Variants in NLGN1 observed in about 807,000 individuals in gnomAD.
NLGN1 encodes the protein neuroligin 1.
Under a neutral mutation model 65.5 loss-of-function variants are expected in NLGN1, and 12 were observed. That is an observed-to-expected ratio of 0.18 (90% CI 0.12 to 0.30). The LOEUF (loss-of-function observed/expected upper bound fraction) is 0.30. Among genes scored for constraint, NLGN1 ranks in the 10% least tolerant of loss-of-function variants. The pLI is 1.00. For synonymous variants in NLGN1, 350 were observed against 359.5 expected, an observed-to-expected ratio of 0.97 and a Z score of 0.30; for missense variants, 750 against 1,007.1, an observed-to-expected ratio of 0.74 and a Z score of 3.46.
At chr3:174,122,794 A>T (rs1561095375) in intron 4 of NLGN1, among the ~76,000 whole-genome samples, 2 of 150,308 alleles carry the variant, frequency 1.3e-5, no homozygotes. Flanking sequence ...GAGAAGATGA[A>T]TTTTTTTTTT....
chr3:174,271,677 T>G (rs1749428054), intron 4 of NLGN1, among the ~76,000 whole-genome samples: 1 of 151,814 alleles, frequency 6.6e-6, no homozygotes, highest in Non-Finnish European at 1.5e-5. Flanking sequence ...AAGCTAAGCC[T>G]GCTCAGTAGA....
chr3:173,679,160 T>C (rs776230292), intron 3 of NLGN1, among the ~76,000 whole-genome samples: 4 of 151,288 alleles, frequency 2.6e-5, no homozygotes, highest in Non-Finnish European at 5.9e-5. Flanking sequence ...ACAGGGAGAT[T>C]TTAGAAATGA....
chr3:173,677,137 G>A (rs1457855257), intron 3 of NLGN1, among the ~76,000 whole-genome samples: 2 of 151,722 alleles, frequency 1.3e-5, no homozygotes, highest in East Asian at 3.9e-4. Context: ...AAGGACCAGG[G>A]TAAGCTATAC....
At chr3:173,937,992 A>G (rs923626904) in intron 4 of NLGN1, among the ~76,000 whole-genome samples, 24 of 152,170 alleles carry the variant, frequency 1.6e-4, no homozygotes, top group Admixed American at 3.3e-4. Flanking sequence ...TATTAAGTAC[A>G]TATAACACTT....
intron 2 of NLGN1, among the ~76,000 whole-genome samples, chr3:173,579,253 T>C (rs1276722396): frequency 2.0e-5 from 3 of 152,190 alleles, no homozygotes; most frequent in African/African-American, 7.2e-5. Context: ...GTGGGCAGAT[T>C]GCTTGGGCTC....
At chr3:173,453,851 C>T (rs1722061139) in intron 2 of NLGN1, among the ~76,000 whole-genome samples, 1 of 152,136 alleles carries the variant, frequency 6.6e-6, no homozygotes, top group Non-Finnish European at 1.5e-5. Flanking sequence ...TGATCTCCTC[C>T]CATGAATGTT....
intron 3 of NLGN1, among the ~76,000 whole-genome samples, chr3:173,806,584 A>G (rs543504660): frequency 6.6e-6 from 1 of 152,242 alleles, no homozygotes; most frequent in East Asian, 1.9e-4. Context: ...CTTTATGTAT[A>G]TATTCAGAGC....
chr3:174,191,039 C>T (rs538105584), intron 4 of NLGN1, among the ~76,000 whole-genome samples: 1 of 151,880 alleles, frequency 6.6e-6, no homozygotes, highest in African/African-American at 2.4e-5. Flanking sequence ...CATTTTCCCA[C>T]ATGCACCCAA....
intron 5 of NLGN1, among the ~76,000 whole-genome samples, chr3:174,276,095 G>GAAA (rs779488407): frequency 6.6e-6 from 1 of 151,800 alleles, no homozygotes; most frequent in Non-Finnish European, 1.5e-5. Flanking sequence ...TGATTAAAAA[G>GAAA]AAAAATACAT....
chr3:174,097,313 G>C (rs561679803), intron 4 of NLGN1, among the ~76,000 whole-genome samples: 74 of 152,138 alleles, frequency 4.9e-4, no homozygotes, highest in African/African-American at 1.6e-3. Context: ...TTATTCTTCA[G>C]GGCAATAATT....
intron 4 of NLGN1, among the ~76,000 whole-genome samples, chr3:174,054,271 T>C (rs1018368901): frequency 1.3e-5 from 2 of 152,034 alleles, no homozygotes; most frequent in African/African-American, 4.8e-5. Flanking sequence ...GTAGTCCCAA[T>C]TGCTACATGG....
At chr3:174,119,401 A>G (rs901118478) in intron 4 of NLGN1, among the ~76,000 whole-genome samples, 5 of 151,194 alleles carry the variant, frequency 3.3e-5, no homozygotes, top group Admixed American at 3.3e-4. Flanking sequence ...CTTTTTAACC[A>G]CTTCAAAGTA....
In NLGN1 at chr3:173,956,704, T is replaced by C. The variant is rs1365439086; in HGVS notation, c.646+148872T>C. On this transcript the variant is annotated intron_variant, in intron 4 of 6. Transcript: ENST00000457714. ...TTTATGTATGGATATGATAGTTTTC[T>C]TTAAAGAGTTGTCAGTGTAAACGTT... is the stretch of plus-strand genomic sequence containing the variant. Among the ~76,000 whole-genome samples the C allele has an allele frequency of 3.9e-5, 6 of 152,162 alleles. No homozygotes were observed. The East Asian group carries it at 1.2e-3, about 29-fold the overall frequency.
At position 173,923,465 on chromosome 3, in the gene NLGN1, C is replaced by T. The variant is rs1019756664; in HGVS notation, c.646+115633C>T. Reference sequence around the variant, plus strand: ...CACTGTATTCCTTTTCTTCTTCCCTCTTTAGAAGGGCACTTCATAAAGAAT... The same window carrying T: ...CACTGTATTCCTTTTCTTCTTCCCTTTTTAGAAGGGCACTTCATAAAGAAT... On this transcript the variant is annotated intron_variant, in intron 4 of 6. Transcript: ENST00000457714. Among the ~76,000 whole-genome samples the T allele has an allele frequency of 7.2e-5, 11 of 152,232 alleles. No individual in the cohort carries two copies. The South Asian group carries it at 2.1e-3, about 29-fold the overall frequency.
At chr3:174,059,359 C>G (rs1159527212) in intron 4 of NLGN1, among the ~76,000 whole-genome samples, 1 of 152,078 alleles carries the variant, frequency 6.6e-6, no homozygotes, top group Non-Finnish European at 1.5e-5. Context: ...TATTAGAATT[C>G]CGTTCAACAG....
chr3:173,503,459 G>A (rs1306809893), intron 2 of NLGN1, among the ~76,000 whole-genome samples: 1 of 152,014 alleles, frequency 6.6e-6, no homozygotes, highest in African/African-American at 2.4e-5. Flanking sequence ...ATGTGCAAAC[G>A]CTTATTCTTG....
chr3:174,257,056 A>G (rs1357167511), intron 4 of NLGN1, among the ~76,000 whole-genome samples: 4 of 152,176 alleles, frequency 2.6e-5, no homozygotes, highest in Non-Finnish European at 5.9e-5. Flanking sequence ...ACTTAAACCA[A>G]TTTATAAGAA....
intron 2 of NLGN1, among the ~76,000 whole-genome samples, chr3:173,527,882 T>C (rs1006201574): frequency 6.6e-6 from 1 of 152,182 alleles, no homozygotes; most frequent in African/African-American, 2.4e-5. Context: ...TTGGTGTTGA[T>C]GTTGCTTTAG....
At chr3:173,798,103 A>T (rs1338571869) in intron 3 of NLGN1, among the ~76,000 whole-genome samples, 2 of 152,148 alleles carry the variant, frequency 1.3e-5, no homozygotes, top group Non-Finnish European at 1.5e-5. Flanking sequence ...TAATTGTGAT[A>T]GATTTTACAC....
Sources: allele counts gnomAD v4.1 joint callset (sites outside exome capture counted in the v4.1 genomes callset), GRCh38; gene constraint gnomAD v4.1.1; transcripts MANE v1.5; gene names NCBI Gene and HGNC (gene_info 2026-07-23, HGNC 2026-07-21).